ST3GAL1: variants seen among roughly 807,000 people sequenced by gnomAD.
ST3GAL1 encodes CMP-N-acetylneuraminate-beta-galactosamide-alpha-2,3-sialyltransferase 1.
Under a neutral mutation model 34.1 loss-of-function variants are expected in ST3GAL1, and 16 were observed. The observed-to-expected ratio is 0.47, with a 90% CI of 0.32 to 0.71. ST3GAL1 has a LOEUF of 0.71. Ranked by LOEUF, ST3GAL1 falls within the 30% of genes least tolerant of loss-of-function variation. The pLI is 0.04. For synonymous variants in ST3GAL1, 191 were observed against 184.7 expected, an observed-to-expected ratio of 1.03 and a Z score of -0.28; for missense variants, 353 against 447.4, an observed-to-expected ratio of 0.79 and a Z score of 1.90.
intron 2 of ST3GAL1, among the ~76,000 whole-genome samples, chr8:133,506,763 G>A (rs2131004493): frequency 6.6e-6 from 1 of 151,368 alleles, no homozygotes; most frequent in Admixed American, 6.6e-5. Flanking sequence ...CCAGCTTGGG[G>A]GACAAGAGTG....
intron 1 of ST3GAL1, among the ~76,000 whole-genome samples, chr8:133,569,129 T>C (rs1336556177): frequency 2.6e-5 from 4 of 152,218 alleles, no homozygotes; most frequent in Non-Finnish European, 5.9e-5. Flanking sequence ...GGTGGGGTGC[T>C]GTGGCCTCCC....
chr8:133,486,682 T>TA (rs1221995642), intron 3 of ST3GAL1, among the ~76,000 whole-genome samples: 1 of 152,112 alleles, frequency 6.6e-6, no homozygotes, highest in Admixed American at 6.5e-5. Flanking sequence ...TTATGTCGAT[T>TA]AAAAAAATCA....
chr8:133,548,870 T>G (rs1031387012), intron 1 of ST3GAL1, among the ~76,000 whole-genome samples: 1 of 152,120 alleles, frequency 6.6e-6, no homozygotes, highest in Non-Finnish European at 1.5e-5. Flanking sequence ...ATCATATGGG[T>G]GTAGGAGGCA....
chr8:133,509,786 C>G (rs554473695), intron 2 of ST3GAL1, among the ~76,000 whole-genome samples: 1 of 152,142 alleles, frequency 6.6e-6, no homozygotes, highest in Admixed American at 6.5e-5. Context: ...GACCAGGCAC[C>G]GTGGCTAACG....
At chr8:133,517,183 A>T (rs1817671278) in intron 2 of ST3GAL1, among the ~76,000 whole-genome samples, 1 of 152,182 alleles carries the variant, frequency 6.6e-6, no homozygotes. Flanking sequence ...GAGGGCCAGC[A>T]AGCCCCAGTC....
At chr8:133,496,148 A>C (rs1816940085) in intron 3 of ST3GAL1, among the ~76,000 whole-genome samples, 1 of 152,196 alleles carries the variant, frequency 6.6e-6, no homozygotes, top group African/African-American at 2.4e-5. Context: ...AGCCTTTCTT[A>C]AGAGAACCCT....
intron 5 of ST3GAL1, among the ~76,000 whole-genome samples, chr8:133,468,150 C>T (rs1389451978): frequency 6.6e-6 from 1 of 151,996 alleles, no homozygotes; most frequent in South Asian, 2.1e-4. Flanking sequence ...GGGTCTCAAG[C>T]AGATATTGGT....
At chr8:133,475,211 T>A (rs1464893747) in intron 5 of ST3GAL1, among the ~76,000 whole-genome samples, 1 of 152,226 alleles carries the variant, frequency 6.6e-6, no homozygotes, top group African/African-American at 2.4e-5. Flanking sequence ...GAGGCTGGAC[T>A]GCTGCAGCTC....
rs1178584236 is a variant in ST3GAL1 at position 133,462,128 on chromosome 8, C to T, written c.730-134G>A. The T allele has an allele frequency of 3.9e-5, 51 of 1,321,224 alleles. 1 individual carries two copies. The highest frequency in any genetic ancestry group is 7.2e-6 in the Non-Finnish European group (7 of 966,946). 81.8% of individuals were successfully genotyped at this position (1,321,224 alleles called of 1,614,324 possible). On this transcript the variant is annotated intron_variant, in intron 8 of 9. Transcript: ENST00000522652. ...TAATAGATACGCCTGCACTTGTGGG[C>T]TTCCATGCTCGTAGGAAAGATGGAC...
At chr8:133,464,734 T>C in intron 7 of ST3GAL1, 44 bp downstream of exon 7, 1 of 1,567,806 alleles carries the variant, frequency 6.4e-7, no homozygotes, top group Non-Finnish European at 8.7e-7. Flanking sequence ...AGGGTGCCAC[T>C]GCAAGGGGCA....
chr8:133,498,214 C>T (rs1817028192), intron 3 of ST3GAL1, among the ~76,000 whole-genome samples: 1 of 152,262 alleles, frequency 6.6e-6, no homozygotes, highest in Admixed American at 6.5e-5. Flanking sequence ...ATCCGACTCC[C>T]TGACTGCTGT....
chr8:133,508,033 A>G lies in ST3GAL1; in HGVS notation c.-428-8844T>C, dbSNP rs1817395796. On this transcript the variant is annotated intron_variant, in intron 2 of 9. Coordinates refer to ENST00000522652, the MANE Select transcript of ST3GAL1 (RefSeq NM_173344.3). The surrounding 1 kb of genome is among the most constrained non-coding windows in gnomAD (Gnocchi z 4.1). ...CCCTCTCACCCCCCACACCCTAGGC[A>G]GCCCACAGACAATGACAGAGGGACA... Among the ~76,000 whole-genome samples the G allele has an allele frequency of 6.6e-6, 1 of 152,150 alleles. No homozygotes were observed. Among genetic ancestry groups the G allele is most frequent in the South Asian group, 2.1e-4 (1 of 4,830 alleles).
At chr8:133,492,101 C>T (rs900240575) in intron 3 of ST3GAL1, among the ~76,000 whole-genome samples, 2 of 152,038 alleles carry the variant, frequency 1.3e-5, no homozygotes, top group Non-Finnish European at 2.9e-5. Context: ...TCGGGATGGA[C>T]GATACGAGGG....
intron 1 of ST3GAL1, among the ~76,000 whole-genome samples, chr8:133,564,733 T>A (rs1423825268): frequency 6.6e-6 from 1 of 152,172 alleles, no homozygotes; most frequent in Admixed American, 6.5e-5. Context: ...AAAACTAACA[T>A]TTGTTGAGAG....
intron 5 of ST3GAL1, among the ~76,000 whole-genome samples, chr8:133,472,321 G>A (rs965611747): frequency 5.9e-5 from 9 of 152,102 alleles, no homozygotes; most frequent in East Asian, 1.9e-4. Flanking sequence ...ATGGGAGCTC[G>A]GGACCTCACA....
In ST3GAL1 at chr8:133,570,039, G is replaced by A. The variant is rs1819521297; in HGVS notation, c.-582+1654C>T. 6.6e-6 allele frequency: 1 copy of A among 152,330 alleles called. No individual in the cohort carries two copies. Among genetic ancestry groups the A allele is most frequent in the Non-Finnish European group, 1.5e-5 (1 of 68,104 alleles). The allele number at this position is 152,330 out of a possible 1,614,324, so 9.4% of individuals were successfully genotyped here. ...CCTTCCACCTTGGGGCCTTGTCAAT[G>A]AACACTGCGTTAGCACCTACGACGT... is the stretch of plus-strand genomic sequence containing the variant. On this transcript the variant is annotated intron_variant, in intron 1 of 9. Transcript: ENST00000522652. This position sits in a 1 kb window ranked among gnomAD's most constrained non-coding sequence, Gnocchi z 5.6.
At chr8:133,472,935 T>C (rs1487519281) in intron 5 of ST3GAL1, among the ~76,000 whole-genome samples, 1 of 151,854 alleles carries the variant, frequency 6.6e-6, no homozygotes, top group East Asian at 1.9e-4. Flanking sequence ...TTAAAACTAA[T>C]GTTTGCAGGG....
intron 2 of ST3GAL1, among the ~76,000 whole-genome samples, chr8:133,511,666 A>T (rs1817501417): frequency 6.6e-6 from 1 of 152,202 alleles, no homozygotes; most frequent in African/African-American, 2.4e-5. Context: ...GTCTCACTGC[A>T]CCTTCACTAG....
rs991372708 is a variant in ST3GAL1 at position 133,461,385 on chromosome 8, G to T, written c.849+490C>A. ...GCCTAGCGGACAGCGAAGGACATGG[G>T]AAGGCAAATGCATGCTTCTCGAGAT... On this transcript the variant is annotated intron_variant, in intron 9 of 9. Coordinates refer to ENST00000522652, the MANE Select transcript of ST3GAL1 (RefSeq NM_173344.3). This position sits in a 1 kb window ranked among gnomAD's most constrained non-coding sequence, Gnocchi z 4.7. Among the ~76,000 whole-genome samples, 2 of 152,174 alleles carry T rather than the reference G, an allele frequency of 1.3e-5. No individual in the cohort carries two copies. Among genetic ancestry groups the T allele is most frequent in the African/African-American group, 4.8e-5 (2 of 41,446 alleles).
Sources: gnomAD v4.1 joint callset for allele counts (sites outside exome capture counted in the v4.1 genomes callset) on GRCh38, gnomAD v4.1.1 for gene constraint, Gnocchi (gnomAD v3.1) non-coding constraint, MANE v1.5 for transcripts, NCBI Gene and HGNC (gene_info 2026-07-23, HGNC 2026-07-21) for gene names.